Variants in SDK1 observed in about 807,000 individuals in gnomAD.
SDK1 encodes the protein sidekick cell adhesion molecule 1.
A neutral mutation model predicts 245.5 loss-of-function variants in SDK1; 157 were observed. The ratio of observed to expected loss-of-function variants is 0.64; its 90% CI spans 0.56 to 0.73. SDK1 has a LOEUF of 0.73. Among genes scored for constraint, SDK1 ranks in the 30% least tolerant of loss-of-function variants. The probability of loss-of-function intolerance (pLI) is 0.00; values close to 1 mark genes in which losing one functional copy is unlikely to be tolerated. For synonymous variants in SDK1, 1,647 were observed against 1,278.5 expected, an observed-to-expected ratio of 1.29 and a Z score of -6.15; for missense variants, 3,583 against 3,002.3, an observed-to-expected ratio of 1.19 and a Z score of -4.52.
chr7:3,880,013 A>G (rs1484414488), intron 5 of SDK1, among the ~76,000 whole-genome samples: 2 of 152,134 alleles, frequency 1.3e-5, no homozygotes, highest in Admixed American at 6.5e-5. Context: ...CAATGGCTTT[A>G]TAATTTCCCT....
intron 1 of SDK1, among the ~76,000 whole-genome samples, chr7:3,332,570 C>G (rs898266831): frequency 6.6e-6 from 1 of 152,044 alleles, no homozygotes; most frequent in African/African-American, 2.4e-5. Flanking sequence ...ACTTTTATTG[C>G]CATTTATAAT....
intron 1 of SDK1, among the ~76,000 whole-genome samples, chr7:3,513,522 G>A (rs1408190324): frequency 2.6e-5 from 4 of 152,118 alleles, no homozygotes; most frequent in African/African-American, 7.2e-5. Context: ...TAAGACTGAT[G>A]TGGCCAACAG....
At chr7:3,531,029 C>G (rs1470268987) in intron 1 of SDK1, among the ~76,000 whole-genome samples, 2 of 152,160 alleles carry the variant, frequency 1.3e-5, no homozygotes, top group Non-Finnish European at 2.9e-5. Context: ...TTAGAATATT[C>G]TGTCACTATA....
chr7:3,499,389 C>G (rs1283714681), intron 1 of SDK1, among the ~76,000 whole-genome samples: 1 of 151,974 alleles, frequency 6.6e-6, no homozygotes, highest in Non-Finnish European at 1.5e-5. Flanking sequence ...CAGATGTATG[C>G]CACATAAAGA....
chr7:3,545,698 G>C (rs368822539), intron 1 of SDK1, among the ~76,000 whole-genome samples: 5 of 152,206 alleles, frequency 3.3e-5, no homozygotes, highest in Non-Finnish European at 7.3e-5. Flanking sequence ...TACCAGGCCA[G>C]AGCTGGGCAC....
chr7:4,074,908 ATATATATATTT>A (rs1475807784), intron 20 of SDK1, among the ~76,000 whole-genome samples: 5 of 77,454 alleles, frequency 6.5e-5, no homozygotes, highest in African/African-American at 3.9e-4. Flanking sequence ...ATATATATAT[ATATATATATTT>A]TTTTTTTTTT....
At chr7:3,844,795 G>C (rs1463947339) in intron 5 of SDK1, among the ~76,000 whole-genome samples, 1 of 151,866 alleles carries the variant, frequency 6.6e-6, no homozygotes, top group Non-Finnish European at 1.5e-5. Context: ...TCGTGCTGCT[G>C]ATTCAGCCTG....
chr7:3,837,363 C>T (rs1269184896), intron 5 of SDK1, among the ~76,000 whole-genome samples: 1 of 152,128 alleles, frequency 6.6e-6, no homozygotes, highest in Non-Finnish European at 1.5e-5. Context: ...AAATATGTGG[C>T]CATGCTAGGA....
chr7:4,002,093 A>C (rs892714583), intron 14 of SDK1, among the ~76,000 whole-genome samples: 2 of 152,378 alleles, frequency 1.3e-5, no homozygotes, highest in East Asian at 3.9e-4. Flanking sequence ...TCACTGTCAG[A>C]GTTTTTAACT....
chr7:4,206,353 A>G (rs1199910595), intron 36 of SDK1, among the ~76,000 whole-genome samples: 3 of 152,238 alleles, frequency 2.0e-5, no homozygotes, highest in East Asian at 1.9e-4. Context: ...GGCTGACTAT[A>G]AAAGAACATG....
intron 1 of SDK1, among the ~76,000 whole-genome samples, chr7:3,489,009 C>G (rs1380405465): frequency 6.6e-6 from 1 of 151,870 alleles, no homozygotes. Context: ...CATTCTTAAA[C>G]CAGTCGTTGG....
Position 4,178,521 on chromosome 7 carries a change from C to G in SDK1, c.5033C>G (p.Thr1678Ser). Reference protein sequence around the residue: ...KKYRRYEVIMTAYNIIGESPA... With the variant: ...KKYRRYEVIMSAYNIIGESPA... The stretch of plus-strand genomic sequence containing the variant: ...TACCGGCGCTATGAAGTAATAATGA[C>G]CGCCTATAACATCATCGGCGAGAGC... The change falls in exon 35 of 45, where the codon ACC becomes AGC. Residue 1678 changes from threonine (T) to serine (S), a missense_variant. Thr to Ser is a moderately conservative substitution (Grantham distance 58). Coordinates refer to ENST00000404826, the MANE Select transcript of SDK1 (RefSeq NM_152744.4). The G allele has an allele frequency of 6.2e-7, 1 of 1,613,888 alleles. No individual in the cohort carries two copies. Among genetic ancestry groups the G allele is most frequent in the Non-Finnish European group, 8.5e-7 (1 of 1,179,846 alleles).
intron 1 of SDK1, among the ~76,000 whole-genome samples, chr7:3,308,591 A>T (rs6965684): frequency 0.57 from 86,718 of 151,972 alleles, 24,944 homozygotes; most frequent in African/African-American, 0.64. Context: ...GAGATTAGGT[A>T]GATGAACATG....
intron 2 of SDK1, among the ~76,000 whole-genome samples, chr7:3,631,164 G>C (rs995876101): frequency 1.3e-5 from 2 of 152,080 alleles, no homozygotes; most frequent in Non-Finnish European, 2.9e-5. Context: ...GAACTTCTGG[G>C]CTCAAGCGAT....
At chr7:3,849,328 G>A (rs2115099979) in intron 5 of SDK1, among the ~76,000 whole-genome samples, 1 of 152,218 alleles carries the variant, frequency 6.6e-6, no homozygotes, top group African/African-American at 2.4e-5. Context: ...TGCCTGCTGA[G>A]GTCTGAGCTC....
At chr7:3,859,532 A>G (rs1027785290) in intron 5 of SDK1, among the ~76,000 whole-genome samples, 2 of 152,062 alleles carry the variant, frequency 1.3e-5, no homozygotes, top group African/African-American at 4.8e-5. Flanking sequence ...TTTCTGCTCT[A>G]CCATTCTCAG....
At position 4,029,226 on chromosome 7, in the gene SDK1, T is replaced by G. The variant is rs201218031; in HGVS notation, c.2602+11874T>G. On this transcript the variant is annotated intron_variant, in intron 17 of 44. Transcript: ENST00000404826. ...TCTTTTATTCTTTCTTTTTTTTTTT[T>G]TTTGTGAAGAAGTCTCACTCTGTCA... Among the ~76,000 whole-genome samples, 6 of 103,912 alleles carry G rather than the reference T, an allele frequency of 5.8e-5. No homozygotes were observed. The East Asian group carries it at 6.3e-4, about 11-fold the overall frequency. 68.2% of individuals were successfully genotyped at this position (103,912 alleles called of 152,430 possible). A position where few individuals can be genotyped will look rare whatever the true frequency, so the allele number is the denominator to read the frequency against.
In SDK1 at chr7:3,603,996, G is replaced by A. The variant is rs368759390; in HGVS notation, c.299-15084G>A. On this transcript the variant is annotated intron_variant, in intron 1 of 44. Coordinates refer to ENST00000404826, the MANE Select transcript of SDK1 (RefSeq NM_152744.4). Reference sequence around the variant, plus strand: ...TGCTGGATTACCTTTATTGATTTGCGTATGTTGAACCAGCCTTGCATCCCA... The same window carrying A: ...TGCTGGATTACCTTTATTGATTTGCATATGTTGAACCAGCCTTGCATCCCA... 1.3e-3 allele frequency among the ~76,000 whole-genome samples: 193 copies of A among 152,228 alleles called. 1 individual carries two copies. Among genetic ancestry groups the A allele is most frequent in the African/African-American group, 4.3e-3 (178 of 41,548 alleles).
At chr7:3,473,433 G>C (rs1781245778) in intron 1 of SDK1, among the ~76,000 whole-genome samples, 1 of 152,200 alleles carries the variant, frequency 6.6e-6, no homozygotes, top group African/African-American at 2.4e-5. Flanking sequence ...TTGTAGATGT[G>C]TGTTTAGTGT....
Sources: allele counts gnomAD v4.1 joint callset (sites outside exome capture counted in the v4.1 genomes callset), GRCh38; gene constraint gnomAD v4.1.1; transcripts MANE v1.5; gene names NCBI Gene and HGNC (gene_info 2026-07-23, HGNC 2026-07-21).